The following CRADD variants were observed in gnomAD, a reference collection of about 807,000 sequenced individuals.
CRADD encodes the protein CARD and death domain containing adaptor protein.
Under a neutral mutation model 15.5 loss-of-function variants are expected in CRADD, and 9 were observed. That is an observed-to-expected ratio of 0.58 (90% CI 0.35 to 1.01). The LOEUF (loss-of-function observed/expected upper bound fraction) is 1.01. Ranked by LOEUF, CRADD falls within the 50% of genes least tolerant of loss-of-function variation. The pLI is 0.02. For missense variants in CRADD, 227 were observed against 250.3 expected, an observed-to-expected ratio of 0.91 and a Z score of 0.63; for synonymous variants, 118 against 107.6, an observed-to-expected ratio of 1.10 and a Z score of -0.60.
chr12:93,788,419 G>C (rs534897204), intron 2 of CRADD, among the ~76,000 whole-genome samples: 1 of 152,158 alleles, frequency 6.6e-6, no homozygotes, highest in Non-Finnish European at 1.5e-5. Flanking sequence ...AATTCAAGAT[G>C]AGATTTGGGT....
chr12:93,685,635 C>T (rs1955410564), intron 2 of CRADD, among the ~76,000 whole-genome samples: 1 of 151,876 alleles, frequency 6.6e-6, no homozygotes, highest in Admixed American at 6.6e-5. Flanking sequence ...GAAAGTATAC[C>T]AAATTATTTA....
At chr12:93,813,184 ATT>A (rs1565923889) in intron 2 of CRADD, among the ~76,000 whole-genome samples, 1 of 152,222 alleles carries the variant, frequency 6.6e-6, no homozygotes, top group Non-Finnish European at 1.5e-5. Flanking sequence ...TGGAAATTGC[ATT>A]GTCAGAGTCC....
intron 2 of CRADD, among the ~76,000 whole-genome samples, chr12:93,711,048 C>A (rs1956059199): frequency 9.9e-6 from 1 of 100,870 alleles, no homozygotes; most frequent in Non-Finnish European, 2.0e-5. Context: ...CACCCTCCCA[C>A]CCCCGCCTTT....
rs1357080639 is a variant in CRADD at position 93,824,346 on chromosome 12, T to C, written c.299-25624T>C. Among the ~76,000 whole-genome samples, 1 of 152,114 alleles carries C rather than the reference T, an allele frequency of 6.6e-6. No individual in the cohort carries two copies. Among genetic ancestry groups the C allele is most frequent in the Non-Finnish European group, 1.5e-5 (1 of 68,018 alleles). Reference sequence around the variant, plus strand: ...CATCCCTATAATTTCCTAGGTTTGATAGCACTTCAATTTTCTAACCATAAA... The same window carrying C: ...CATCCCTATAATTTCCTAGGTTTGACAGCACTTCAATTTTCTAACCATAAA... On this transcript the variant is annotated intron_variant, in intron 2 of 2. Coordinates refer to ENST00000332896, the MANE Select transcript of CRADD (RefSeq NM_003805.5). The surrounding 1 kb of genome is among the most constrained non-coding windows in gnomAD (Gnocchi z 4.3).
intron 2 of CRADD, among the ~76,000 whole-genome samples, chr12:93,773,242 C>T (rs1286572516): frequency 6.6e-6 from 1 of 152,228 alleles, no homozygotes; most frequent in African/African-American, 2.4e-5. Flanking sequence ...TGTGGTTTGA[C>T]TGTGTCCCCA....
intron 2 of CRADD, among the ~76,000 whole-genome samples, chr12:93,875,601 G>A (rs979202091): frequency 7.9e-5 from 12 of 151,900 alleles, no homozygotes; most frequent in Admixed American, 5.2e-4. Context: ...TTACCACAAA[G>A]CTTGCAGATA....
intron 2 of CRADD, among the ~76,000 whole-genome samples, chr12:93,768,737 A>G (rs1034942747): frequency 3.9e-5 from 6 of 152,314 alleles, no homozygotes; most frequent in Non-Finnish European, 7.4e-5. Flanking sequence ...TAAGTGTACA[A>G]CTCAGTTTAT....
chr12:93,832,505 T>C (rs1222439033), intron 2 of CRADD, among the ~76,000 whole-genome samples: 3 of 152,130 alleles, frequency 2.0e-5, no homozygotes, highest in African/African-American at 7.2e-5. Context: ...ATTGTTATTT[T>C]ATAGTTTATA....
intron 2 of CRADD, among the ~76,000 whole-genome samples, chr12:93,731,644 C>G (rs1026579411): frequency 1.3e-5 from 2 of 152,206 alleles, no homozygotes; most frequent in African/African-American, 4.8e-5. Context: ...TTCTTAATTA[C>G]AAATGAGGTT....
At chr12:93,689,374 C>T (rs1461623133) in intron 2 of CRADD, among the ~76,000 whole-genome samples, 1 of 152,032 alleles carries the variant, frequency 6.6e-6, no homozygotes, top group African/African-American at 2.4e-5. Flanking sequence ...TAATAGGCAG[C>T]TGTGTTTATG....
intron 2 of CRADD, among the ~76,000 whole-genome samples, chr12:93,744,565 T>C (rs1392054434): frequency 3.3e-5 from 5 of 152,218 alleles, no homozygotes; most frequent in Admixed American, 6.5e-5. Context: ...AGTGCATGAT[T>C]GAATAACTGG....
chr12:93,737,046 G>C (rs1316278967), intron 2 of CRADD, among the ~76,000 whole-genome samples: 1 of 152,186 alleles, frequency 6.6e-6, no homozygotes, highest in Non-Finnish European at 1.5e-5. Context: ...ATGTACAAGG[G>C]GTAGAGGAGG....
intron 2 of CRADD, among the ~76,000 whole-genome samples, chr12:93,716,832 T>C (rs1468932968): frequency 2.0e-5 from 3 of 152,260 alleles, no homozygotes; most frequent in African/African-American, 4.8e-5. Flanking sequence ...AAGCTGCTTA[T>C]AAACATCTAT....
chr12:93,768,305 A>G (rs145102550), intron 2 of CRADD, among the ~76,000 whole-genome samples: 130 of 152,380 alleles, frequency 8.5e-4, no homozygotes, highest in Non-Finnish European at 1.1e-3. Flanking sequence ...AAAGGATTCA[A>G]CATTCATATT....
intron 2 of CRADD, among the ~76,000 whole-genome samples, chr12:93,699,976 C>T (rs959585876): frequency 1.1e-4 from 16 of 152,066 alleles, no homozygotes; most frequent in South Asian, 6.2e-4. Flanking sequence ...CATGAAGGAG[C>T]GATCTCAGCG....
chr12:93,758,049 G>C (rs546663439), intron 2 of CRADD, among the ~76,000 whole-genome samples: 1 of 152,334 alleles, frequency 6.6e-6, no homozygotes, highest in South Asian at 2.1e-4. Flanking sequence ...TTAGAGTTTA[G>C]TCATGTGTAT....
chr12:93,713,002 T>C (rs1466875408), intron 2 of CRADD, among the ~76,000 whole-genome samples: 1 of 152,186 alleles, frequency 6.6e-6, no homozygotes, highest in Non-Finnish European at 1.5e-5. Flanking sequence ...TCTGGGACCA[T>C]AGAGCTGCTC....
intron 2 of CRADD, among the ~76,000 whole-genome samples, chr12:93,732,368 A>G (rs1480937967): frequency 6.6e-6 from 1 of 152,306 alleles, no homozygotes; most frequent in East Asian, 1.9e-4. Context: ...TTTTTAAATT[A>G]CTTACCAAAT....
intron 2 of CRADD, among the ~76,000 whole-genome samples, chr12:93,756,292 G>T (rs1365214748): frequency 1.3e-5 from 2 of 152,162 alleles, no homozygotes; most frequent in Non-Finnish European, 2.9e-5. Context: ...ATAAATACTT[G>T]TTAGTGAATG....
Sources: allele counts gnomAD v4.1 joint callset (sites outside exome capture counted in the v4.1 genomes callset), GRCh38; gene constraint gnomAD v4.1.1; non-coding constraint Gnocchi (gnomAD v3.1); transcripts MANE v1.5; gene names NCBI Gene and HGNC (gene_info 2026-07-23, HGNC 2026-07-21).